The following CNBD2 variants were observed in gnomAD, a reference collection of about 807,000 sequenced individuals.
CNBD2 encodes the protein cyclic nucleotide binding domain containing 2, also known as cyclic nucleotide-binding domain-containing protein 2.
CNBD2 carries 64 observed loss-of-function variants against 63.7 expected under a neutral mutation model. That is an observed-to-expected ratio of 1.00 (90% CI 0.82 to 1.24). The LOEUF is 1.24. Among genes scored for constraint, CNBD2 ranks in the 50% most tolerant of loss-of-function variants. The pLI is 0.00. For missense variants in CNBD2, 691 were observed against 713.5 expected (o/e 0.97, Z 0.36); for synonymous variants, 229 against 255.4 (o/e 0.90, Z 0.99).
upstream of CNBD2, among the ~76,000 whole-genome samples, chr20:35,965,537 A>G (rs2056339365): frequency 1.3e-5 from 2 of 152,168 alleles, no homozygotes; most frequent in African/African-American, 4.8e-5. Flanking sequence ...CATTATGAAA[A>G]TGAGGCCCCA....
intron 10 of CNBD2, among the ~76,000 whole-genome samples, chr20:36,016,198 T>C (rs138896816): frequency 6.6e-6 from 1 of 152,188 alleles, no homozygotes; most frequent in African/African-American, 2.4e-5. Flanking sequence ...CCCTCAAAAC[T>C]GCCAAGGTCA....
intron 7 of CNBD2, among the ~76,000 whole-genome samples, chr20:35,991,962 C>A (rs1342634780): frequency 6.6e-6 from 1 of 152,070 alleles, no homozygotes; most frequent in Admixed American, 6.6e-5. Flanking sequence ...CTCACTGCAA[C>A]CTCCACCTCC....
chr20:36,006,013 T>C (rs989866830), intron 8 of CNBD2, among the ~76,000 whole-genome samples: 1 of 151,332 alleles, frequency 6.6e-6, no homozygotes, highest in African/African-American at 2.4e-5. Context: ...GAGTTGATTC[T>C]CATACTAGAG....
intron 8 of CNBD2, 115 bp from the exon 9 acceptor site, chr20:36,008,182 T>G: frequency 1.3e-6 from 1 of 784,900 alleles, no homozygotes; most frequent in South Asian, 2.0e-5. Flanking sequence ...TTAAAAAATT[T>G]CCCCATGTGC....
chr20:35,957,631 A>T (rs561849425), downstream of CNBD2: 3 of 152,344 alleles, frequency 2.0e-5, no homozygotes, highest in African/African-American at 7.2e-5. Flanking sequence ...ATCTACTTTC[A>T]TGTAATTTAC....
At chr20:36,001,349 G>A (rs1416435409) in intron 8 of CNBD2, among the ~76,000 whole-genome samples, 25 of 146,956 alleles carry the variant, frequency 1.7e-4, no homozygotes, top group African/African-American at 4.4e-4. Context: ...TGGGCGGGGC[G>A]GCTGGCAGGG....
intron 2 of CNBD2, among the ~76,000 whole-genome samples, chr20:35,961,538 T>C (rs1265270796): frequency 6.6e-6 from 1 of 152,208 alleles, no homozygotes; most frequent in Non-Finnish European, 1.5e-5. Flanking sequence ...TTATTTTTCT[T>C]TTTTTGGTGA....
chr20:35,967,095 G>C (rs945376502), upstream of CNBD2, among the ~76,000 whole-genome samples: 5 of 152,112 alleles, frequency 3.3e-5, no homozygotes, highest in African/African-American at 1.2e-4. Flanking sequence ...AGAGTATCTC[G>C]AGACAAGGCC....
At chr20:36,012,295 C>T (rs1601089723) in intron 10 of CNBD2, among the ~76,000 whole-genome samples, 2 of 149,194 alleles carry the variant, frequency 1.3e-5, no homozygotes, top group Admixed American at 6.6e-5. Flanking sequence ...AGTGAAACTC[C>T]GTCTCCAAAA....
intron 2 of CNBD2, among the ~76,000 whole-genome samples, chr20:35,963,416 G>A (rs541421951): frequency 1.9e-4 from 29 of 151,592 alleles, no homozygotes; most frequent in East Asian, 3.9e-4. Flanking sequence ...TCACGGTGGC[G>A]GATCACTTGA....
intron 2 of CNBD2, among the ~76,000 whole-genome samples, chr20:35,963,043 A>G (rs1434334380): frequency 2.6e-5 from 4 of 152,130 alleles, no homozygotes; most frequent in African/African-American, 7.2e-5. Flanking sequence ...CTCTACTTCT[A>G]TGACAATTAA....
chr20:36,016,026 G>A (rs1404977056), intron 10 of CNBD2, among the ~76,000 whole-genome samples: 2 of 152,220 alleles, frequency 1.3e-5, no homozygotes, highest in African/African-American at 4.8e-5. Context: ...AAAACATCAT[G>A]TTAATAGTAT....
exon 1 of CNBD2, chr20:35,954,986 T>C (rs1378003558): frequency 1.0e-5 from 2 of 190,488 alleles, no homozygotes; most frequent in African/African-American, 2.4e-5. Flanking sequence ...CCGGCCTTAC[T>C]GCGACGATGA....
At chr20:35,971,671 C>T (rs1474427962) in intron 1 of CNBD2, among the ~76,000 whole-genome samples, 2 of 152,214 alleles carry the variant, frequency 1.3e-5, no homozygotes, top group Non-Finnish European at 2.9e-5. Context: ...CCGCCTTGGC[C>T]TCCCAAAGTG....
At chr20:36,002,152 C>T (rs1289621779) in intron 8 of CNBD2, among the ~76,000 whole-genome samples, 5 of 152,240 alleles carry the variant, frequency 3.3e-5, no homozygotes, top group African/African-American at 7.2e-5. Context: ...CCCGGCACCT[C>T]GGGAGGCCAA....
At chr20:35,965,720 G>A (rs963677319), upstream of CNBD2, among the ~76,000 whole-genome samples, 20 of 152,160 alleles carry the variant, frequency 1.3e-4, no homozygotes, top group Admixed American at 5.9e-4. Flanking sequence ...CCACCTCCTT[G>A]CAGATAATTG....
At chr20:35,964,617 G>T (rs1156571473), upstream of CNBD2, among the ~76,000 whole-genome samples, 1 of 149,672 alleles carries the variant, frequency 6.7e-6, no homozygotes, top group African/African-American at 2.5e-5. Context: ...GGATGGTCTC[G>T]ATCTCCTGAC....
intron 2 of CNBD2, among the ~76,000 whole-genome samples, chr20:35,960,371 T>A (rs1212622472): frequency 6.6e-6 from 1 of 152,242 alleles, no homozygotes; most frequent in Non-Finnish European, 1.5e-5. Flanking sequence ...AAGCTCAGTG[T>A]CATTAGTTAT....
At chr20:35,961,383 G>A (rs1056117465) in intron 2 of CNBD2, among the ~76,000 whole-genome samples, 1 of 152,014 alleles carries the variant, frequency 6.6e-6, no homozygotes, top group Non-Finnish European at 1.5e-5. Flanking sequence ...TCTTTCCTGA[G>A]CTCTGCCAGT....
Sources: allele counts gnomAD v4.1 joint callset (sites outside exome capture counted in the v4.1 genomes callset), GRCh38; gene constraint gnomAD v4.1.1; transcripts MANE v1.5; gene names NCBI Gene and HGNC (gene_info 2026-07-23, HGNC 2026-07-21).